Variants in ADAMTSL1 observed in about 807,000 individuals in gnomAD.
ADAMTSL1 encodes the protein ADAMTS like 1.
In ADAMTSL1, 126 loss-of-function variants were observed where a neutral mutation model predicts 201.8. That is an observed-to-expected ratio of 0.62 (90% CI 0.54 to 0.72). The LOEUF is 0.72. Among genes scored for constraint, ADAMTSL1 ranks in the 30% least tolerant of loss-of-function variants. ADAMTSL1 has a pLI of 0.00. For synonymous variants in ADAMTSL1, 1,121 were observed against 903.4 expected, an observed-to-expected ratio of 1.24 and a Z score of -4.32; for missense variants, 2,679 against 2,277.8, an observed-to-expected ratio of 1.18 and a Z score of -3.59.
chr9:18,622,771 A>T (rs1358824611), intron 5 of ADAMTSL1, among the ~76,000 whole-genome samples: 1 of 152,218 alleles, frequency 6.6e-6, no homozygotes, highest in Admixed American at 6.5e-5. Context: ...GTGAAGTCAC[A>T]TGGCCTTCAT....
chr9:18,733,209 G>A (rs945393463), intron 15 of ADAMTSL1, among the ~76,000 whole-genome samples: 11 of 152,234 alleles, frequency 7.2e-5, no homozygotes, highest in African/African-American at 1.7e-4. Context: ...TCATAGCAGC[G>A]TACAACCTAG....
At chr9:18,639,025 C>A (rs1193159626) in intron 6 of ADAMTSL1, among the ~76,000 whole-genome samples, 2 of 152,032 alleles carry the variant, frequency 1.3e-5, no homozygotes, top group East Asian at 3.9e-4. Flanking sequence ...GACAGGAACC[C>A]TTGAATGCCT....
intron 23 of ADAMTSL1, among the ~76,000 whole-genome samples, chr9:18,877,255 C>A (rs7873517): frequency 0.024 from 3,658 of 152,212 alleles, 150 homozygotes; most frequent in African/African-American, 0.083. Context: ...TCAGAGATTT[C>A]TTCTGGGTTT....
chr9:17,990,840 A>C (rs1201165930), intron 1 of ADAMTSL1, among the ~76,000 whole-genome samples: 1 of 152,046 alleles, frequency 6.6e-6, no homozygotes, highest in Non-Finnish European at 1.5e-5. Context: ...TCAGTTCTTT[A>C]CTCTTTGACA....
chr9:18,212,001 C>T (rs1322799088), intron 2 of ADAMTSL1, among the ~76,000 whole-genome samples: 1 of 152,108 alleles, frequency 6.6e-6, no homozygotes, highest in Non-Finnish European at 1.5e-5. Flanking sequence ...ATGAAAGTCT[C>T]ATTCAAGGAC....
chr9:18,700,488 G>C (rs1250453988), intron 13 of ADAMTSL1, among the ~76,000 whole-genome samples: 2 of 152,034 alleles, frequency 1.3e-5, no homozygotes, highest in Non-Finnish European at 2.9e-5. Context: ...TTATCCAAAA[G>C]CCTCTTCAGA....
intron 1 of ADAMTSL1, among the ~76,000 whole-genome samples, chr9:18,120,778 A>G (rs1486789139): frequency 1.3e-5 from 2 of 152,200 alleles, no homozygotes; most frequent in East Asian, 3.9e-4. Flanking sequence ...GCATCAGTGT[A>G]AGATAGACTA....
intron 1 of ADAMTSL1, among the ~76,000 whole-genome samples, chr9:18,094,477 C>T (rs1824156951): frequency 6.6e-6 from 1 of 152,150 alleles, no homozygotes; most frequent in Admixed American, 6.6e-5. Context: ...GGTCTGTCAT[C>T]CATTGTGTGT....
chr9:18,639,326 A>G lies in ADAMTSL1; in HGVS notation c.749A>G (p.Asp250Gly), dbSNP rs750000091. The G allele has an allele frequency of 6.2e-7, 1 of 1,613,092 alleles. No homozygotes were observed. Among genetic ancestry groups the G allele is most frequent in the Non-Finnish European group, 8.5e-7 (1 of 1,179,358 alleles). ...AGCTCCACAGGAACTTTCCTTGTGGACAATTCTAGTGTGGACTTCCAGAAA... is the reference window on the plus strand; with the variant it reads ...AGCTCCACAGGAACTTTCCTTGTGGGCAATTCTAGTGTGGACTTCCAGAAA... The part of the protein sequence containing the change: ...SLSSTGTFLV[D>G]NSSVDFQKFP... Residue 250 changes from aspartate to glycine, a missense_variant, in exon 7 of 29, where the codon GAC becomes GGC. Coordinates refer to ENST00000380548, the MANE Select transcript of ADAMTSL1 (RefSeq NM_001040272.6).
intron 2 of ADAMTSL1, among the ~76,000 whole-genome samples, chr9:18,364,889 C>G (rs1389902181): frequency 6.6e-6 from 1 of 152,024 alleles, no homozygotes. Flanking sequence ...CACAATAACT[C>G]ACTATGCAGT....
chr9:18,149,483 A>G (rs1201211344), intron 1 of ADAMTSL1, among the ~76,000 whole-genome samples: 2 of 152,070 alleles, frequency 1.3e-5, no homozygotes, highest in African/African-American at 2.4e-5. Context: ...AAGTGGTACA[A>G]TTTAGTACCA....
At chr9:18,829,420 T>G (rs1824834491) in intron 22 of ADAMTSL1, among the ~76,000 whole-genome samples, 1 of 152,176 alleles carries the variant, frequency 6.6e-6, no homozygotes, top group African/African-American at 2.4e-5. Context: ...ACAGAGTGCC[T>G]CATTCTGAAG....
intron 14 of ADAMTSL1, among the ~76,000 whole-genome samples, chr9:18,713,929 C>A (rs1832758959): frequency 6.7e-6 from 1 of 149,722 alleles, no homozygotes; most frequent in Admixed American, 6.7e-5. Context: ...CAAACTAGAA[C>A]TCAGGATTAA....
rs184336693 is a variant in ADAMTSL1 at position 18,190,204 on chromosome 9, C to A, written c.207+26223C>A. Among the ~76,000 whole-genome samples the A allele has an allele frequency of 7.2e-5, 11 of 152,298 alleles. No homozygotes were observed. The East Asian group carries it at 1.9e-3, about 27-fold the overall frequency. On this transcript the variant is annotated intron_variant, in intron 2 of 29. Transcript: ENST00000680146. ...ATTAATCAAAATGGTTTAGTGTCAG[C>A]TTTTGCTTTCAAATTCCAGCAACTA...
At chr9:18,833,624 A>T (rs529888509) in intron 23 of ADAMTSL1, among the ~76,000 whole-genome samples, 2 of 151,450 alleles carry the variant, frequency 1.3e-5, no homozygotes, top group East Asian at 3.9e-4. Flanking sequence ...CTTTGCAAAA[A>T]TTTTCTCCCA....
intron 2 of ADAMTSL1, among the ~76,000 whole-genome samples, chr9:18,391,824 C>CTTTTTTTTT (rs11407945): frequency 2.0e-4 from 23 of 116,712 alleles, no homozygotes; most frequent in African/African-American, 3.5e-4. Context: ...TCTTTTCTTT[C>CTTTTTTTTT]TTTTTTTTTT....
intron 1 of ADAMTSL1, among the ~76,000 whole-genome samples, chr9:18,153,390 T>G (rs1357216556): frequency 2.6e-5 from 4 of 152,074 alleles, no homozygotes; most frequent in Admixed American, 6.6e-5. Context: ...ATTCTAAAAT[T>G]TATAAAATTA....
At chr9:18,843,198 C>G (rs1039980001) in intron 23 of ADAMTSL1, among the ~76,000 whole-genome samples, 63 of 150,626 alleles carry the variant, frequency 4.2e-4, no homozygotes, top group Non-Finnish European at 8.8e-4. Context: ...ATGTTTAGTG[C>G]TTCCTTCAGG....
chr9:18,027,968 C>A (rs1820772622), intron 1 of ADAMTSL1, among the ~76,000 whole-genome samples: 1 of 151,942 alleles, frequency 6.6e-6, no homozygotes, highest in African/African-American at 2.4e-5. Context: ...TATGTAATGA[C>A]CTTCTTTGTT....
Sources: allele counts gnomAD v4.1 joint callset (sites outside exome capture counted in the v4.1 genomes callset), GRCh38; gene constraint gnomAD v4.1.1; transcripts MANE v1.5; gene names NCBI Gene and HGNC (gene_info 2026-07-23, HGNC 2026-07-21).